The following ANKRD50 variants were observed in gnomAD, a reference collection of about 807,000 sequenced individuals.
ANKRD50 encodes ankyrin repeat domain 50.
A neutral mutation model predicts 112.0 loss-of-function variants in ANKRD50; 40 were observed. The ratio of observed to expected loss-of-function variants is 0.36; its 90% CI spans 0.28 to 0.46. The LOEUF is 0.46. Ranked by LOEUF, ANKRD50 falls within the 20% of genes least tolerant of loss-of-function variation. The pLI is 1.00. For missense variants in ANKRD50, 1,487 were observed against 1,701.7 expected (o/e 0.87, Z 2.22); for synonymous variants, 613 against 619.1 (o/e 0.99, Z 0.15).
chr4:124,670,909 ACGC>A lies in ANKRD50; in HGVS notation c.2365_2367del (p.Ala789del), dbSNP rs1730631421. The A allele has an allele frequency of 6.2e-7, 1 of 1,613,728 alleles. No homozygotes were observed. Among genetic ancestry groups the A allele is most frequent in the African/African-American group, 1.3e-5 (1 of 74,872 alleles). Reference sequence around the variant, plus strand: ...TTTACAACTGATGCATGACCCATAGACGCTGCTGCTAAGAGGGGTGTACGGCCA... The same window carrying A: ...TTTACAACTGATGCATGACCCATAGATGCTGCTAAGAGGGGTGTACGGCCA... On this transcript the variant is annotated inframe_deletion, in exon 4 of 5. Coordinates refer to ENST00000504087, the MANE Select transcript of ANKRD50 (RefSeq NM_020337.3).
At position 124,710,600 on chromosome 4, in the gene ANKRD50, A is replaced by C; in HGVS notation, c.-89T>G. The C allele has an allele frequency of 7.1e-7, 1 of 1,417,568 alleles. No individual in the cohort carries two copies. Among genetic ancestry groups the C allele is most frequent in the Non-Finnish European group, 9.5e-7 (1 of 1,053,320 alleles). 87.8% of individuals were successfully genotyped at this position (1,417,568 alleles called of 1,614,324 possible). On this transcript the variant is annotated 5_prime_UTR_variant, in exon 2 of 5. Coordinates refer to ENST00000504087, the MANE Select transcript of ANKRD50 (RefSeq NM_020337.3). ...ATGACATAACTTGTATATTAAGTTGACTCTGAAGACAGAGTAACTAGTTAC... is the reference window on the plus strand; with the variant it reads ...ATGACATAACTTGTATATTAAGTTGCCTCTGAAGACAGAGTAACTAGTTAC...
intron 2 of ANKRD50, among the ~76,000 whole-genome samples, chr4:124,697,124 T>G (rs954959991): frequency 6.6e-6 from 1 of 152,178 alleles, no homozygotes; most frequent in Non-Finnish European, 1.5e-5. Context: ...AGTCTAATTT[T>G]GAACATGTTC....
chr4:124,689,038 ATGTATAC>A (rs746266749), intron 2 of ANKRD50, among the ~76,000 whole-genome samples: 1 of 152,174 alleles, frequency 6.6e-6, no homozygotes, highest in Non-Finnish European at 1.5e-5. Flanking sequence ...AAAATTCTCT[ATGTATAC>A]ACTCCTATAA....
chr4:124,664,621 C>G lies in ANKRD50; in HGVS notation c.*2897G>C, dbSNP rs771162212. On this transcript the variant is annotated 3_prime_UTR_variant, in exon 5 of 5. Coordinates refer to ENST00000504087, the MANE Select transcript of ANKRD50 (RefSeq NM_020337.3). ...TTTTGGCTATTTACATACCTCAAAC[C>G]AAGGGAAAAATAAAAAGAAAGCATT... 3 of 152,144 alleles carry G rather than the reference C, an allele frequency of 2.0e-5. No individual in the cohort carries two copies. The highest frequency in any genetic ancestry group is 4.4e-5 in the Non-Finnish European group (3 of 67,850). The allele number at this position is 152,144 out of a possible 1,614,324, so 9.4% of individuals were successfully genotyped here.
chr4:124,702,319 G>A (rs1725409963), intron 2 of ANKRD50, among the ~76,000 whole-genome samples: 1 of 152,094 alleles, frequency 6.6e-6, no homozygotes, highest in Admixed American at 6.5e-5. Flanking sequence ...AACTGGAATG[G>A]GTGAATAAAA....
chr4:124,671,910 G>A lies in ANKRD50; in HGVS notation c.1367C>T (p.Ala456Val), dbSNP rs1225451197. The change falls in exon 4 of 5, where the codon GCA becomes GTA. Residue 456 changes from alanine to valine, a missense_variant. Transcript: ENST00000504087. ...TAAGTTTGAGTTAATTAAGTGCAAT[G>A]CAAATTCTTGTGCTTCCAATGGTGT... ...NLTPLEAQEF[A>V]LHLINSNLQL... 4 of 1,613,830 alleles carry A rather than the reference G, an allele frequency of 2.5e-6. No homozygotes were observed. The highest frequency in any genetic ancestry group is 1.7e-5 in the Admixed American group (1 of 59,970).
intron 2 of ANKRD50, among the ~76,000 whole-genome samples, chr4:124,682,322 CAAAAAAAAA>C (rs36107017): frequency 6.9e-5 from 6 of 87,588 alleles, no homozygotes; most frequent in African/African-American, 2.3e-4. Flanking sequence ...GACTCCGTCT[CAAAAAAAAA>C]AAAAAAAAAA....
intron 2 of ANKRD50, among the ~76,000 whole-genome samples, chr4:124,690,824 T>C (rs982267750): frequency 2.6e-5 from 4 of 152,204 alleles, no homozygotes; most frequent in Admixed American, 2.0e-4. Context: ...GTGTGAGAGA[T>C]GGCAAGACCA....
At chr4:124,689,618 C>T (rs1578584648) in intron 2 of ANKRD50, among the ~76,000 whole-genome samples, 1 of 152,138 alleles carries the variant, frequency 6.6e-6, no homozygotes, top group East Asian at 1.9e-4. Context: ...GCCTTTGGAC[C>T]TGAAAAATCA....
intron 2 of ANKRD50, among the ~76,000 whole-genome samples, chr4:124,689,783 A>C (rs923562652): frequency 1.3e-5 from 2 of 152,200 alleles, no homozygotes; most frequent in African/African-American, 4.8e-5. Context: ...TCTTAGCCCC[A>C]AAATTGTGTG....
In ANKRD50 at chr4:124,669,223, T is replaced by A; in HGVS notation, c.4054A>T (p.Ser1352Cys). 6.2e-7 allele frequency: 1 copy of A among 1,613,698 alleles called. No homozygotes were observed. The highest frequency in any genetic ancestry group is 8.5e-7 in the Non-Finnish European group (1 of 1,179,776). ...CCATTTCTCTTCTTCTGTTCCCCAC[T>A]TTGTTGGTGAATAAGAAACTGCTGT... ...SQQQFLIHQQ[S>C]GEQKKRNGIM... Residue 1352 changes from serine to cysteine, a missense_variant, in exon 4 of 5, where the codon AGT (serine) becomes TGT (cysteine). By Grantham distance (112) the Ser-to-Cys change is moderately radical (BLOSUM62 -1). Transcript: ENST00000504087.
At chr4:124,700,566 G>A (rs983860989) in intron 2 of ANKRD50, among the ~76,000 whole-genome samples, 6 of 152,062 alleles carry the variant, frequency 3.9e-5, no homozygotes, top group African/African-American at 7.2e-5. Flanking sequence ...TGTAGATGAC[G>A]AATGAAACTG....
chr4:124,703,423 G>T (rs963029163), intron 2 of ANKRD50, among the ~76,000 whole-genome samples: 3 of 152,064 alleles, frequency 2.0e-5, no homozygotes, highest in Non-Finnish European at 4.4e-5. Context: ...AGCAAATTCT[G>T]GGAGTGATAA....
chr4:124,682,514 T>C (rs1724916866), intron 2 of ANKRD50, among the ~76,000 whole-genome samples: 1 of 152,098 alleles, frequency 6.6e-6, no homozygotes, highest in Non-Finnish European at 1.5e-5. Context: ...TATAAGTGTC[T>C]ACTTCTTAAA....
At chr4:124,699,657 T>C (rs548325664) in intron 2 of ANKRD50, among the ~76,000 whole-genome samples, 1 of 152,278 alleles carries the variant, frequency 6.6e-6, no homozygotes, top group South Asian at 2.1e-4. Context: ...AAAGATTTTC[T>C]ATTTGATAAA....
chr4:124,710,399 T>A lies in ANKRD50; in HGVS notation c.113A>T (p.Gln38Leu). The A allele has an allele frequency of 1.2e-6, 2 of 1,614,222 alleles. No individual in the cohort carries two copies. Among genetic ancestry groups the A allele is most frequent in the Non-Finnish European group, 1.7e-6 (2 of 1,180,024 alleles). Residue 38 changes from glutamine (Q) to leucine (L), a missense_variant, in exon 2 of 5, where the codon CAG becomes CTG. Gln to Leu is a moderately radical substitution (Grantham distance 113). This residue lies in a region of ANKRD50 where 1,046 missense variants were observed against 1,269.5 expected (regional missense o/e 0.82). Transcript: ENST00000504087. ...ACTATTGCAGCAGTTACTTTTCTCC[T>A]GGAGGCAATGCTGAAGCTTGTGGAA... ...WVFHKLQHCLQEKSNCCNSAV... is the reference protein window; with the variant it reads ...WVFHKLQHCLLEKSNCCNSAV...
intron 2 of ANKRD50, among the ~76,000 whole-genome samples, chr4:124,688,701 A>G (rs1301781453): frequency 1.3e-5 from 2 of 152,140 alleles, no homozygotes; most frequent in Non-Finnish European, 2.9e-5. Context: ...GGTTCTTCTG[A>G]ACAGACCAAT....
At chr4:124,704,609 T>A (rs1293837580) in intron 2 of ANKRD50, among the ~76,000 whole-genome samples, 1 of 152,196 alleles carries the variant, frequency 6.6e-6, no homozygotes, top group Non-Finnish European at 1.5e-5. Flanking sequence ...CTTCTTTCAA[T>A]TAGGTTCACA....
At chr4:124,696,226 A>G (rs1725248853) in intron 2 of ANKRD50, among the ~76,000 whole-genome samples, 1 of 152,076 alleles carries the variant, frequency 6.6e-6, no homozygotes, top group African/African-American at 2.4e-5. Flanking sequence ...CAAAAAAAAT[A>G]TAATATTTGA....
Sources: gnomAD v4.1 joint callset for allele counts (sites outside exome capture counted in the v4.1 genomes callset) on GRCh38, gnomAD v4.1.1 for gene constraint, gnomAD v4.1.1 regional missense constraint, MANE v1.5 for transcripts, NCBI Gene and HGNC (gene_info 2026-07-23, HGNC 2026-07-21) for gene names.